The following SEZ6L2 variants were observed in gnomAD, a reference collection of about 807,000 sequenced individuals.
SEZ6L2 encodes seizure 6-like protein 2.
SEZ6L2 carries 44 observed loss-of-function variants against 97.0 expected under a neutral mutation model. The ratio of observed to expected loss-of-function variants is 0.45; its 90% CI spans 0.36 to 0.58. The LOEUF is 0.58. Among genes scored for constraint, SEZ6L2 ranks in the 20% least tolerant of loss-of-function variants. SEZ6L2 has a pLI of 0.00. For synonymous variants in SEZ6L2, 543 were observed against 546.1 expected (o/e 0.99, Z 0.08); for missense variants, 1,086 against 1,233.3 (o/e 0.88, Z 1.79).
chr16:29,888,133 G>A (rs542455651), intron 6 of SEZ6L2, among the ~76,000 whole-genome samples: 3 of 152,224 alleles, frequency 2.0e-5, no homozygotes, highest in Admixed American at 2.0e-4. Context: ...CAAAGCCTCA[G>A]CTGGGAAATC....
At chr16:29,871,843 TG>T (rs1567407968) in intron 17 of SEZ6L2, 115 bp from the exon 18 acceptor site, 13 of 910,824 alleles carry the variant, frequency 1.4e-5, no homozygotes, top group Non-Finnish European at 2.1e-5. Context: ...CTCTAGGGGC[TG>T]GGGGGCCAGT....
chr16:29,897,869 C>T lies in SEZ6L2; in HGVS notation c.195G>A (p.Glu65=), dbSNP rs1225275169. The T allele has an allele frequency of 1.2e-6, 2 of 1,607,326 alleles. No homozygotes were observed. Among genetic ancestry groups the T allele is most frequent in the Admixed American group, 3.5e-5 (2 of 57,178 alleles). Residue 65 remains glutamate, a synonymous_variant, in exon 2 of 18, where the codon GAG becomes GAA. Coordinates refer to ENST00000617533, the MANE Select transcript of SEZ6L2 (RefSeq NM_001243332.2). The part of the protein sequence containing the change: ...LHGALLRRGP[E]MGYLPGSDRD... ...GGGCCTCACCTGGCAGGTAGCCCAT[C>T]TCTGGGCCCCTCCTCAGCAGGGCCC... is the stretch of plus-strand genomic sequence containing the variant.
At position 29,887,809 on chromosome 16, in the gene SEZ6L2, C is replaced by G. The variant is rs1308877068; in HGVS notation, c.1048G>C (p.Gly350Arg). ...GETPSCMASC[G>R]GTIHNATLGR... is the part of the protein sequence containing the mutation. ...AGGGTGGCATTGTGGATGGTGCCACCACAGGATGCTGTGGGCAGAGGAGGG... is the reference window on the plus strand; with the variant it reads ...AGGGTGGCATTGTGGATGGTGCCACGACAGGATGCTGTGGGCAGAGGAGGG... Residue 350 changes from glycine (G) to arginine (R), a missense_variant, in exon 7 of 18, where the codon GGT becomes CGT. Gly to Arg is a moderately radical substitution (Grantham distance 125). Coordinates refer to ENST00000617533, the MANE Select transcript of SEZ6L2 (RefSeq NM_001243332.2). 6.2e-7 allele frequency: 1 copy of G among 1,613,774 alleles called. No homozygotes were observed. Among genetic ancestry groups the G allele is most frequent in the Non-Finnish European group, 8.5e-7 (1 of 1,179,942 alleles).
chr16:29,880,847 G>A (rs1346963207), intron 8 of SEZ6L2, among the ~76,000 whole-genome samples: 2 of 151,838 alleles, frequency 1.3e-5, no homozygotes, highest in African/African-American at 4.8e-5. Context: ...TTGCAGCCTA[G>A]ATCTTCTAGG....
intron 14 of SEZ6L2, 149 bp from the exon 15 acceptor site, chr16:29,872,892 AGAG>A (rs771005414): frequency 4.3e-6 from 3 of 690,836 alleles, no homozygotes; most frequent in Non-Finnish European, 7.2e-6. Flanking sequence ...TGGGGAAGAG[AGAG>A]GAGTGACCAG....
rs756236736 is a variant in SEZ6L2 at position 29,899,537 on chromosome 16, A to T, written c.-518T>A. 101 of 158,748 alleles carry T rather than the reference A, an allele frequency of 6.4e-4. No homozygotes were observed. Among genetic ancestry groups the T allele is most frequent in the Non-Finnish European group, 1.1e-3 (80 of 73,134 alleles). The allele number at this position is 158,748 out of a possible 1,614,324, so 9.8% of individuals were successfully genotyped here. ...GAAGCTCGGGCACTGGAGCTGCGGG[A>T]GGGAGAAGCTGAGAAAGGTATCGAG... On this transcript the variant is annotated 5_prime_UTR_variant, in exon 1 of 18. Transcript: ENST00000617533.
chr16:29,881,929 C>CTT lies in SEZ6L2; in HGVS notation c.1373-1867_1373-1866dup, dbSNP rs71143761. On this transcript the variant is annotated intron_variant, in intron 8 of 17. Transcript: ENST00000617533. ...ATAGGCGTGAGCCACCATACCCGGC[C>CTT]TTTTTTTTTTTTTTTTGAGATTTTT... Among the ~76,000 whole-genome samples, 143 of 110,108 alleles carry CTT rather than the reference C, an allele frequency of 1.3e-3. 1 individual carries two copies. The highest frequency in any genetic ancestry group is 3.1e-3 in the African/African-American group (93 of 30,284). The allele number at this position is 110,108 out of a possible 152,430, so 72.2% of individuals were successfully genotyped here. A position where few individuals can be genotyped will look rare whatever the true frequency, so the allele number is the denominator to read the frequency against.
Position 29,873,061 on chromosome 16 carries a change from A to G in SEZ6L2, c.2488+179T>C, listed in dbSNP as rs1412543935. Among the ~76,000 whole-genome samples the G allele has an allele frequency of 1.3e-5, 2 of 152,166 alleles. No homozygotes were observed. Among genetic ancestry groups the G allele is most frequent in the African/African-American group, 2.4e-5 (1 of 41,432 alleles). On this transcript the variant is annotated intron_variant, in intron 14 of 17. Transcript: ENST00000617533. The surrounding 1 kb of genome is among the most constrained non-coding windows in gnomAD (Gnocchi z 4.3). ...CCCCCTCTACTACACCCCTGAGCCA[A>G]TCCCATGACCTCACACGACCCAGGG...
rs1416288961 is a variant in SEZ6L2 at position 29,887,634 on chromosome 16, G to A, written c.1208+15C>T. On this transcript the variant is annotated intron_variant, in intron 7 of 17. Coordinates refer to ENST00000617533, the MANE Select transcript of SEZ6L2 (RefSeq NM_001243332.2). ...GCCAAGGTGGGGACTTCTGACCCAA[G>A]ACCCAGACCCTTACCGGTCATTGTC... The A allele has an allele frequency of 6.5e-7, 1 of 1,538,836 alleles. No homozygotes were observed. Among genetic ancestry groups the A allele is most frequent in the Middle Eastern group, 1.8e-4 (1 of 5,702 alleles).
At chr16:29,883,375 T>C (rs2068067766) in intron 8 of SEZ6L2, among the ~76,000 whole-genome samples, 2 of 152,108 alleles carry the variant, frequency 1.3e-5, no homozygotes, top group African/African-American at 4.8e-5. Context: ...GGTGCAATCA[T>C]AGCTCACTGC....
At chr16:29,872,099 A>C in intron 17 of SEZ6L2, 88 bp downstream of exon 17, 1 of 1,129,824 alleles carries the variant, frequency 8.9e-7, no homozygotes, top group Non-Finnish European at 1.3e-6. Flanking sequence ...GAAATTCCCA[A>C]GACAGAGATT....
intron 6 of SEZ6L2, 78 bp from the exon 7 acceptor site, chr16:29,887,895 G>A: frequency 5.3e-6 from 8 of 1,499,276 alleles, no homozygotes; most frequent in Non-Finnish European, 7.2e-6. Flanking sequence ...CCCGTTTTCA[G>A]AACTGTTGCA....
rs753111694 is a variant in SEZ6L2, at chr16:29,876,961, G to A, written c.1910-11C>T. 1.3e-6 allele frequency: 2 copies of A among 1,587,208 alleles called. No individual in the cohort carries two copies. Among genetic ancestry groups the A allele is most frequent in the Non-Finnish European group, 1.7e-6 (2 of 1,161,556 alleles). Reference sequence around the variant, plus strand: ...CGTTCCTCGGGACCTCTGCAGGGGAGGGAAGGCGAGTTTGGAGGCTGCGTT... The same window carrying A: ...CGTTCCTCGGGACCTCTGCAGGGGAAGGAAGGCGAGTTTGGAGGCTGCGTT... On this transcript the variant is annotated splice_polypyrimidine_tract_variant and intron_variant, in intron 11 of 17. Transcript: ENST00000617533. The surrounding 1 kb of genome is among the most constrained non-coding windows in gnomAD (Gnocchi z 6.5).
intron 6 of SEZ6L2, 32 bp downstream of exon 6, chr16:29,888,508 A>G: frequency 1.2e-6 from 2 of 1,604,884 alleles, no homozygotes; most frequent in Non-Finnish European, 1.7e-6. Context: ...TTCCCAGAAC[A>G]GATGCCCCAC....
intron 6 of SEZ6L2, among the ~76,000 whole-genome samples, chr16:29,888,099 G>A (rs114940033): frequency 0.01 from 1,534 of 152,202 alleles, 21 homozygotes; most frequent in African/African-American, 0.035. Flanking sequence ...TCTAGGATGG[G>A]GAGTTACAAG....
chr16:29,887,189 GA>G (rs796793207), intron 7 of SEZ6L2, among the ~76,000 whole-genome samples: 3,969 of 81,990 alleles, frequency 0.048, 223 homozygotes, highest in East Asian at 0.41. Flanking sequence ...CTCAAAAAAA[GA>G]AAAAAAAAAA....
At chr16:29,879,822 C>G in intron 9 of SEZ6L2, 42 bp downstream of exon 9, 1 of 1,528,800 alleles carries the variant, frequency 6.5e-7, no homozygotes, top group Non-Finnish European at 8.8e-7. Context: ...GTTCAGGGGG[C>G]AACGTGGACT....
Position 29,899,284 on chromosome 16 carries a change from C to A in SEZ6L2, c.-265G>T. The stretch of plus-strand genomic sequence containing the variant: ...TGTGGTGGAGGGGGCGCGGCTCCGG[C>A]TGCAGGGGGTGGGGCCGAGAGGGCC... On this transcript the variant is annotated 5_prime_UTR_variant, in exon 1 of 18. Transcript: ENST00000617533. 2.2e-6 allele frequency: 1 copy of A among 451,116 alleles called. No homozygotes were observed. Among genetic ancestry groups the A allele is most frequent in the Non-Finnish European group, 3.9e-6 (1 of 256,002 alleles). 27.9% of individuals were successfully genotyped at this position (451,116 alleles called of 1,614,324 possible). A position where few individuals can be genotyped will look rare whatever the true frequency, so the allele number is the denominator to read the frequency against.
In SEZ6L2 at chr16:29,876,791, AG is replaced by A; in HGVS notation, c.2068del (p.Leu690CysfsTer14). The A allele has an allele frequency of 1.3e-6, 2 of 1,581,852 alleles. No homozygotes were observed. Among genetic ancestry groups the A allele is most frequent in the Non-Finnish European group, 1.7e-6 (2 of 1,164,924 alleles). ...GGCGGGCGGCGCGGCGCTCCAAGAC[AG>A]GTCCCACTGGCAAGTGAGAATGTCG... is the stretch of plus-strand genomic sequence containing the variant. ...GSDILTCQWD[L>X]SWSAAPPACQ... On this transcript the variant is annotated frameshift_variant, in exon 12 of 18. Transcript: ENST00000617533. LOFTEE classifies it high-confidence loss of function. The surrounding 1 kb of genome is among the most constrained non-coding windows in gnomAD (Gnocchi z 6.5).
Sources: gnomAD v4.1 joint callset for allele counts (sites outside exome capture counted in the v4.1 genomes callset) on GRCh38, gnomAD v4.1.1 for gene constraint, Gnocchi (gnomAD v3.1) non-coding constraint, MANE v1.5 for transcripts, NCBI Gene and HGNC (gene_info 2026-07-23, HGNC 2026-07-21) for gene names.